ERP27: variants seen among roughly 807,000 people sequenced by gnomAD.
ERP27 encodes endoplasmic reticulum protein 27.
In ERP27, 23 loss-of-function variants were observed where a neutral mutation model predicts 27.7. The ratio of observed to expected loss-of-function variants is 0.83; its 90% CI spans 0.60 to 1.18. The LOEUF is 1.18. Among genes scored for constraint, ERP27 ranks in the 50% most tolerant of loss-of-function variants. ERP27 has a pLI of 0.00. For missense variants in ERP27, 363 were observed against 327.9 expected (o/e 1.11, Z -0.83); for synonymous variants, 159 against 118.3 (o/e 1.34, Z -2.23).
At chr12:14,925,275 C>T (rs1565451411) in intron 3 of ERP27, among the ~76,000 whole-genome samples, 1 of 152,136 alleles carries the variant, frequency 6.6e-6, no homozygotes, top group Non-Finnish European at 1.5e-5. Context: ...AGTGAGGAAA[C>T]CCCCTGACCC....
At chr12:14,923,486 ATAATCAATCTATCT>A (rs1863542049) in intron 3 of ERP27, among the ~76,000 whole-genome samples, 4 of 118,346 alleles carry the variant, frequency 3.4e-5, no homozygotes, top group African/African-American at 1.3e-4. Context: ...CTATCTATCT[ATAATCAATCTATCT>A]ATCTATCTAT....
At chr12:14,920,878 G>C in intron 4 of ERP27, 54 bp downstream of exon 4, 1 of 1,411,406 alleles carries the variant, frequency 7.1e-7, no homozygotes. Flanking sequence ...ATGAAGACCA[G>C]TACCTTCCCC....
At position 14,929,047 on chromosome 12, in the gene ERP27, G is replaced by A. The variant is rs928007349; in HGVS notation, c.333+5809C>T. The A allele has an allele frequency of 5.2e-6, 8 of 1,534,556 alleles. No individual in the cohort carries two copies. The Admixed American group carries it at 9.8e-5, about 19-fold the overall frequency. On this transcript the variant is annotated intron_variant, in intron 3 of 6. Transcript: ENST00000266397. The stretch of plus-strand genomic sequence containing the variant: ...CATAATCAGGACTCGTTTAACATTT[G>A]ATGTGTCTAAATGCTTCCTGACTAT...
intron 6 of ERP27, among the ~76,000 whole-genome samples, chr12:14,915,242 CT>C (rs1863390251): frequency 6.6e-6 from 1 of 152,142 alleles, no homozygotes; most frequent in African/African-American, 2.4e-5. Context: ...TTTATCATTT[CT>C]TTGTGTTGGA....
At chr12:14,926,741 A>G (rs906918676) in intron 3 of ERP27, among the ~76,000 whole-genome samples, 2 of 152,172 alleles carry the variant, frequency 1.3e-5, no homozygotes, top group East Asian at 1.9e-4. Flanking sequence ...TTTAAATTCA[A>G]TTTTCTGGCT....
intron 3 of ERP27, among the ~76,000 whole-genome samples, chr12:14,923,511 CT>C (rs1863545332): frequency 1.3e-5 from 2 of 151,356 alleles, no homozygotes; most frequent in Non-Finnish European, 2.9e-5. Context: ...ATCTATCTAT[CT>C]ATCTATCTAT....
intron 4 of ERP27, 95 bp from the exon 5 acceptor site, chr12:14,917,398 G>A: frequency 6.5e-7 from 1 of 1,537,378 alleles, no homozygotes; most frequent in Non-Finnish European, 8.9e-7. Context: ...ACTTAAATGA[G>A]AGCTGGCCAC....
chr12:14,917,239 G>A lies in ERP27; in HGVS notation c.515C>T (p.Ser172Phe), dbSNP rs1053570300. 6.2e-6 allele frequency: 10 copies of A among 1,614,152 alleles called. No homozygotes were observed. Among genetic ancestry groups the A allele is most frequent in the Non-Finnish European group, 5.9e-6 (7 of 1,180,022 alleles). The change falls in exon 5 of 7, where the codon TCC (serine) becomes TTC (phenylalanine). Residue 172 changes from serine (S) to phenylalanine (F), a missense_variant. Physicochemically the swap from Ser to Phe is radical, Grantham distance 155. Transcript: ENST00000266397. ...GTGCATGTTCTCTTCATACTCTGGG[G>A]AGGCCTTGTTCATTATCAGGAGGAG... ...IHLLLIMNKA[S>F]PEYEENMHRY... is the part of the protein sequence containing the mutation.
At chr12:14,927,345 G>GTA (rs1382125129) in intron 3 of ERP27, among the ~76,000 whole-genome samples, 5 of 151,758 alleles carry the variant, frequency 3.3e-5, no homozygotes, top group Admixed American at 1.3e-4. Flanking sequence ...GTGTGTGTGT[G>GTA]TGTATATATA....
At position 14,922,632 on chromosome 12, in the gene ERP27, C is replaced by T. The variant is rs565335746; in HGVS notation, c.334-1584G>A. Among the ~76,000 whole-genome samples, 11 of 152,244 alleles carry T rather than the reference C, an allele frequency of 7.2e-5. No homozygotes were observed. The South Asian group carries it at 1.0e-3, about 14-fold the overall frequency. On this transcript the variant is annotated intron_variant, in intron 3 of 6. Coordinates refer to ENST00000266397, the MANE Select transcript of ERP27 (RefSeq NM_152321.4). ...ACATAGTTAAAGTTATCATCTTTAT[C>T]GCTAATGTGTACTTTTTTGTTTTGT...
At chr12:14,936,097 C>T (rs1381273729) in intron 2 of ERP27, among the ~76,000 whole-genome samples, 1 of 152,042 alleles carries the variant, frequency 6.6e-6, no homozygotes, top group Non-Finnish European at 1.5e-5. Context: ...TTTCCTCCCA[C>T]CGGCTCTTCC....
intron 3 of ERP27, 25 bp from the exon 4 acceptor site, chr12:14,921,073 G>A (rs1315945117): frequency 6.4e-7 from 1 of 1,572,736 alleles, no homozygotes; most frequent in Non-Finnish European, 8.8e-7. Flanking sequence ...AAAGAATGAA[G>A]TCACTATTCC....
Position 14,917,641 on chromosome 12 carries a change from G to C in ERP27, c.451-338C>G, listed in dbSNP as rs764739869. Among the ~76,000 whole-genome samples, 7 of 152,284 alleles carry C rather than the reference G, an allele frequency of 4.6e-5. No individual in the cohort carries two copies. In the South Asian group the frequency reaches 1.2e-3, roughly 27 times the overall value. ...TCTGAGGAATACCAGCCCCAGTGTA[G>C]GGCACTCAAGCAGTCCTCTGAGGAG... On this transcript the variant is annotated intron_variant, in intron 4 of 6. Coordinates refer to ENST00000266397, the MANE Select transcript of ERP27 (RefSeq NM_152321.4).
In ERP27 at chr12:14,938,438, G is replaced by T. The variant is rs776066427; in HGVS notation, c.71C>A (p.Ala24Asp). ...ACCTGAGGATTTCTCAACTTCTGCAGCAACTTCTGCAGCCAGCTCACACGT... is the reference window on the plus strand; with the variant it reads ...ACCTGAGGATTTCTCAACTTCTGCATCAACTTCTGCAGCCAGCTCACACGT... ...LLTCELAAEV[A>D]AEVEKSSDGP... Residue 24 changes from alanine to aspartate, a missense_variant, in exon 1 of 7, where the codon GCT (alanine) becomes GAT (aspartate). Coordinates refer to ENST00000266397, the MANE Select transcript of ERP27 (RefSeq NM_152321.4). 6.2e-7 allele frequency: 1 copy of T among 1,614,082 alleles called. No homozygotes were observed. Among genetic ancestry groups the T allele is most frequent in the Non-Finnish European group, 8.5e-7 (1 of 1,179,988 alleles).
chr12:14,915,381 C>A (rs113050330), intron 6 of ERP27, 108 bp downstream of exon 6: 4 of 1,142,048 alleles, frequency 3.5e-6, no homozygotes, highest in Middle Eastern at 2.0e-4. Context: ...ATCCATTAAC[C>A]AACATTTTGC....
chr12:14,929,035 C>T (rs1457124827), intron 3 of ERP27: 8 of 1,534,710 alleles, frequency 5.2e-6, no homozygotes, highest in South Asian at 2.4e-5. Flanking sequence ...AATCAGGACT[C>T]GTTTAACATT....
At chr12:14,937,924 T>C (rs200356356) in intron 2 of ERP27, 28 bp downstream of exon 2, 1 of 1,596,180 alleles carries the variant, frequency 6.3e-7, no homozygotes, top group African/African-American at 1.3e-5. Flanking sequence ...TTTCTGGCTC[T>C]TGGGGGAATT....
chr12:14,921,053 A>C lies in ERP27; in HGVS notation c.334-5T>G, dbSNP rs747645808. The C allele has an allele frequency of 1.9e-6, 3 of 1,608,068 alleles. No individual in the cohort carries two copies. Among genetic ancestry groups the C allele is most frequent in the Non-Finnish European group, 2.6e-6 (3 of 1,174,614 alleles). On this transcript the variant is annotated splice_polypyrimidine_tract_variant and splice_region_variant and intron_variant, in intron 3 of 6. Transcript: ENST00000266397. The stretch of plus-strand genomic sequence containing the variant: ...ATTCAGTTGTTCATTGTCTACCTGG[A>C]TAACACAAAAAAGAATGAAGTCACT...
At chr12:14,923,472 A>ATATC (rs199693677) in intron 3 of ERP27, among the ~76,000 whole-genome samples, 1 of 146,060 alleles carries the variant, frequency 6.8e-6, no homozygotes, top group African/African-American at 2.6e-5. Context: ...TTACTATATA[A>ATATC]TATCTATCTA....
Sources: allele counts gnomAD v4.1 joint callset (sites outside exome capture counted in the v4.1 genomes callset), GRCh38; gene constraint gnomAD v4.1.1; transcripts MANE v1.5; gene names NCBI Gene and HGNC (gene_info 2026-07-23, HGNC 2026-07-21).